Variants in AKAP6 observed in about 807,000 individuals in gnomAD.
The protein encoded by AKAP6 is A-kinase anchoring protein 6.
In AKAP6, 58 loss-of-function variants were observed where a neutral mutation model predicts 188.5. The observed-to-expected ratio is 0.31, with a 90% CI of 0.25 to 0.38. The LOEUF (loss-of-function observed/expected upper bound fraction) is 0.38, where lower values mean the gene tolerates loss of function less well. AKAP6 is among the 10% of genes least tolerant of loss of function. The pLI, the probability that AKAP6 is intolerant of heterozygous loss-of-function variation, is 1.00. For synonymous variants in AKAP6, 989 were observed against 998.6 expected, an observed-to-expected ratio of 0.99 and a Z score of 0.18; for missense variants, 2,710 against 2,740.0, an observed-to-expected ratio of 0.99 and a Z score of 0.24.
intron 1 of AKAP6, among the ~76,000 whole-genome samples, chr14:32,396,479 C>T (rs1888883634): frequency 6.6e-6 from 1 of 152,146 alleles, no homozygotes; most frequent in Non-Finnish European, 1.5e-5. Context: ...GTGGACTCCA[C>T]CCCTAGATGC....
chr14:32,699,023 A>G (rs941384015), intron 9 of AKAP6, among the ~76,000 whole-genome samples: 52 of 152,078 alleles, frequency 3.4e-4, no homozygotes, highest in African/African-American at 1.2e-3. Context: ...TTATGCCCAA[A>G]CCCTGACTCA....
chr14:32,630,034 A>G (rs111721355), intron 7 of AKAP6, among the ~76,000 whole-genome samples: 4 of 152,266 alleles, frequency 2.6e-5, no homozygotes, highest in African/African-American at 9.6e-5. Context: ...GGTTTAAATG[A>G]CCATTTCTGT....
intron 1 of AKAP6, among the ~76,000 whole-genome samples, chr14:32,404,103 ATT>A (rs934227424): frequency 6.6e-6 from 1 of 151,958 alleles, no homozygotes; most frequent in Non-Finnish European, 1.5e-5. Context: ...CCCATGAAAT[ATT>A]TTTTTTGAAA....
At chr14:32,728,692 T>C (rs1301417783) in intron 9 of AKAP6, among the ~76,000 whole-genome samples, 1 of 152,200 alleles carries the variant, frequency 6.6e-6, no homozygotes, top group Non-Finnish European at 1.5e-5. Context: ...AAAGCTTCAC[T>C]CTCTGTTCAG....
At chr14:32,369,886 C>A (rs1305061283) in intron 1 of AKAP6, among the ~76,000 whole-genome samples, 1 of 152,062 alleles carries the variant, frequency 6.6e-6, no homozygotes, top group South Asian at 2.1e-4. Flanking sequence ...CAAAAATTAG[C>A]CGGGCATGTT....
intron 5 of AKAP6, among the ~76,000 whole-genome samples, chr14:32,591,695 A>C (rs1220840978): frequency 7.6e-6 from 1 of 131,710 alleles, no homozygotes; most frequent in Non-Finnish European, 1.6e-5. Context: ...TATAATGCTT[A>C]TCTTTTTGAT....
At position 32,772,566 on chromosome 14, in the gene AKAP6, G is replaced by A. The variant is rs373737684; in HGVS notation, c.3373-1112G>A. ...TCTAGCATGCATTATATCAGTAAGT[G>A]GGACATCTGTATGAAATGTCCACCT... On this transcript the variant is annotated intron_variant, in intron 11 of 13. Coordinates refer to ENST00000280979, the MANE Select transcript of AKAP6 (RefSeq NM_004274.5). 2.2e-4 allele frequency among the ~76,000 whole-genome samples: 33 copies of A among 152,212 alleles called. No homozygotes were observed. In the East Asian group the frequency reaches 5.0e-3, roughly 23 times the overall value.
At chr14:32,575,892 T>A (rs567767212) in intron 4 of AKAP6, among the ~76,000 whole-genome samples, 18 of 152,272 alleles carry the variant, frequency 1.2e-4, no homozygotes, top group Admixed American at 1.0e-3. Context: ...TGTGCCCACA[T>A]CTCTGCTTTG....
intron 11 of AKAP6, among the ~76,000 whole-genome samples, chr14:32,736,895 A>G (rs2031454417): frequency 6.6e-6 from 1 of 152,074 alleles, no homozygotes; most frequent in Non-Finnish European, 1.5e-5. Context: ...CAAGACCACA[A>G]TACTTCCCAA....
At chr14:32,442,713 T>A (rs1330852764) in intron 2 of AKAP6, 1 of 152,184 alleles carries the variant, frequency 6.6e-6, no homozygotes, top group Non-Finnish European at 1.5e-5. Context: ...GGGGGGCTTA[T>A]TTTATTAAGA....
At chr14:32,718,059 G>C (rs1431220840) in intron 9 of AKAP6, among the ~76,000 whole-genome samples, 1 of 152,092 alleles carries the variant, frequency 6.6e-6, no homozygotes. Flanking sequence ...CTTCTGGACT[G>C]AGATCTAAAG....
intron 7 of AKAP6, among the ~76,000 whole-genome samples, chr14:32,635,550 G>T (rs1156308624): frequency 1.3e-5 from 2 of 152,100 alleles, no homozygotes; most frequent in Non-Finnish European, 2.9e-5. Flanking sequence ...TGGCTAGGAA[G>T]CTGTCCTAGA....
rs1270106596 is a variant in AKAP6, at chr14:32,735,664, C to T, written c.3154C>T (p.Leu1052=). 3 of 1,587,994 alleles carry T rather than the reference C, an allele frequency of 1.9e-6. No homozygotes were observed. The highest frequency in any genetic ancestry group is 1.7e-6 in the Non-Finnish European group (2 of 1,170,492). ...NEKWELLGKT[L]GEKIQDTMAG... ...TTTTAATCTGATGCATTAGAAAACC[C>T]TAGGAGAGAAGATCCAGGACACAAT... The change falls in exon 11 of 14, where the codon CTA becomes TTA. Residue 1052 remains leucine, a synonymous_variant. Coordinates refer to ENST00000280979, the MANE Select transcript of AKAP6 (RefSeq NM_004274.5).
In AKAP6 at chr14:32,731,958, C is replaced by G. The variant is rs566026744; in HGVS notation, c.3001-496C>G. The stretch of plus-strand genomic sequence containing the variant: ...CTTTCCTTTTTCTCTATATATGTAC[C>G]TTTTCTCCAAGCCCACACAGAGTTT... On this transcript the variant is annotated intron_variant, in intron 9 of 13. Coordinates refer to ENST00000280979, the MANE Select transcript of AKAP6 (RefSeq NM_004274.5). Among the ~76,000 whole-genome samples, 3 of 151,950 alleles carry G rather than the reference C, an allele frequency of 2.0e-5. No homozygotes were observed. The South Asian group carries it at 6.2e-4, about 32-fold the overall frequency.
intron 2 of AKAP6, among the ~76,000 whole-genome samples, chr14:32,493,232 G>T (rs996761170): frequency 4.6e-5 from 7 of 151,922 alleles, no homozygotes; most frequent in Non-Finnish European, 8.8e-5. Context: ...TTTGAGACAG[G>T]GTCTCTCTCT....
At chr14:32,630,720 C>T (rs1887232035) in intron 7 of AKAP6, among the ~76,000 whole-genome samples, 1 of 151,930 alleles carries the variant, frequency 6.6e-6, no homozygotes, top group Non-Finnish European at 1.5e-5. Context: ...AACAATGTAA[C>T]CCTTTCCTGA....
At chr14:32,672,265 G>A (rs1208219127) in intron 7 of AKAP6, among the ~76,000 whole-genome samples, 1 of 152,228 alleles carries the variant, frequency 6.6e-6, no homozygotes, top group East Asian at 1.9e-4. Context: ...GAAACATGCT[G>A]TTATTGATAA....
rs201609305 is a variant in AKAP6, at chr14:32,662,576, G to A, written c.2731-15735G>A. Among the ~76,000 whole-genome samples, 1,156 of 152,142 alleles carry A rather than the reference G, an allele frequency of 7.6e-3. 17 individuals carry two copies. The highest frequency in any genetic ancestry group is 0.026 in the African/African-American group (1,090 of 41,520). On this transcript the variant is annotated intron_variant, in intron 7 of 13. Coordinates refer to ENST00000280979, the MANE Select transcript of AKAP6 (RefSeq NM_004274.5). The stretch of plus-strand genomic sequence containing the variant: ...AACTAGAAATGTGGTCCAGAGGCTT[G>A]TTTGGATTCAGATTAAACATTTTTG...
intron 8 of AKAP6, among the ~76,000 whole-genome samples, chr14:32,694,815 G>A (rs571604877): frequency 1.6e-4 from 24 of 152,008 alleles, no homozygotes; most frequent in South Asian, 1.5e-3. Context: ...TCATTTTCAC[G>A]GAAAGCAGTC....
Sources: allele counts gnomAD v4.1 joint callset (sites outside exome capture counted in the v4.1 genomes callset), GRCh38; gene constraint gnomAD v4.1.1; transcripts MANE v1.5; gene names NCBI Gene and HGNC (gene_info 2026-07-23, HGNC 2026-07-21).